CCDC38: variants seen among roughly 807,000 people sequenced by gnomAD.
CCDC38 encodes the protein coiled-coil domain containing 38.
CCDC38 carries 69 observed loss-of-function variants against 72.8 expected under a neutral mutation model. That is an observed-to-expected ratio of 0.95 (90% CI 0.78 to 1.16). The LOEUF (loss-of-function observed/expected upper bound fraction) is 1.16, where lower values mean the gene tolerates loss of function less well. Ranked by LOEUF, CCDC38 falls within the 50% of genes most tolerant of loss-of-function variation. The pLI, the probability that CCDC38 is intolerant of heterozygous loss-of-function variation, is 0.00. For synonymous variants in CCDC38, 201 were observed against 213.2 expected, an observed-to-expected ratio of 0.94 and a Z score of 0.50; for missense variants, 626 against 638.9, an observed-to-expected ratio of 0.98 and a Z score of 0.22.
At chr12:95,906,596 CCACT>C (rs1228965237) in intron 4 of CCDC38, 145 bp from the exon 5 acceptor site, 1 of 587,636 alleles carries the variant, frequency 1.7e-6, no homozygotes, top group Non-Finnish European at 2.9e-6. Context: ...CTTTTCCTAG[CCACT>C]CAAACTAATT....
At chr12:95,923,456 A>G (rs890033143) in intron 2 of CCDC38, among the ~76,000 whole-genome samples, 2 of 151,982 alleles carry the variant, frequency 1.3e-5, no homozygotes, top group African/African-American at 2.4e-5. Context: ...AGTGGGCTGG[A>G]CACCTCTTCC....
chr12:95,890,789 C>T, intron 9 of CCDC38, 43 bp downstream of exon 9: 1 of 1,215,496 alleles, frequency 8.2e-7, no homozygotes, highest in Non-Finnish European at 1.2e-6. Context: ...GAGATGGACA[C>T]ATTCGCAGGT....
chr12:95,896,453 T>C (rs552624117), intron 7 of CCDC38: 1 of 152,224 alleles, frequency 6.6e-6, no homozygotes, highest in Non-Finnish European at 1.5e-5. Flanking sequence ...TATTACTTTG[T>C]ATCAATGTTT....
chr12:95,869,458 A>C (rs768422616), intron 15 of CCDC38, 22 bp downstream of exon 15: 1 of 1,570,218 alleles, frequency 6.4e-7, no homozygotes, highest in South Asian at 1.1e-5. Flanking sequence ...ATATGGCTGG[A>C]TCTATTAATA....
At chr12:95,927,046 T>C (rs1388220106) in intron 2 of CCDC38, among the ~76,000 whole-genome samples, 6 of 152,140 alleles carry the variant, frequency 3.9e-5, no homozygotes, top group South Asian at 4.1e-4. Flanking sequence ...GTTCTGTAGA[T>C]GTCTATTAGG....
At chr12:95,926,326 A>C (rs2080270504) in intron 2 of CCDC38, among the ~76,000 whole-genome samples, 1 of 151,886 alleles carries the variant, frequency 6.6e-6, no homozygotes, top group Non-Finnish European at 1.5e-5. Flanking sequence ...AGTTTATTTG[A>C]GTAGAGGTGT....
At chr12:95,919,012 T>C (rs754106663) in intron 2 of CCDC38, 36 bp from the exon 3 acceptor site, 4 of 1,284,060 alleles carry the variant, frequency 3.1e-6, no homozygotes, top group African/African-American at 2.9e-5. Flanking sequence ...ATGAATTCTG[T>C]CATCCTTCCT....
intron 14 of CCDC38, among the ~76,000 whole-genome samples, chr12:95,870,629 G>A (rs1320678489): frequency 1.3e-5 from 2 of 152,176 alleles, no homozygotes; most frequent in Non-Finnish European, 2.9e-5. Flanking sequence ...ATATTTGCTA[G>A]TGTAAAAAAG....
At chr12:95,898,173 TAGAG>T (rs2079910897) in intron 7 of CCDC38, among the ~76,000 whole-genome samples, 1 of 152,222 alleles carries the variant, frequency 6.6e-6, no homozygotes, top group African/African-American at 2.4e-5. Context: ...ATCTACAAGT[TAGAG>T]AGACTTTCCA....
intron 4 of CCDC38, among the ~76,000 whole-genome samples, chr12:95,911,568 G>C (rs538554702): frequency 6.6e-6 from 1 of 152,016 alleles, no homozygotes; most frequent in Admixed American, 6.5e-5. Context: ...ACATTGAAAA[G>C]TAGGCAAAAG....
At chr12:95,919,492 G>A (rs1339500267) in intron 2 of CCDC38, 2 of 455,782 alleles carry the variant, frequency 4.4e-6, no homozygotes, top group Non-Finnish European at 8.8e-6. Flanking sequence ...GAAGTATGGA[G>A]TATGGAGTCC....
Position 95,895,396 on chromosome 12 carries a change from C to T in CCDC38, c.615-250G>A, listed in dbSNP as rs114704216. Among the ~76,000 whole-genome samples, 981 of 130,878 alleles carry T rather than the reference C, an allele frequency of 7.5e-3. 8 individuals carry two copies. Among genetic ancestry groups the T allele is most frequent in the African/African-American group, 0.029 (907 of 31,502 alleles). The allele number at this position is 130,878 out of a possible 152,430, so 85.9% of individuals were successfully genotyped here. A position where few individuals can be genotyped will look rare whatever the true frequency, so the allele number is the denominator to read the frequency against. ...ATAGAATAGACATGATAGTTTTACT[C>T]GACTTGTTTATTATTCTGTAGGAAA... On this transcript the variant is annotated intron_variant, in intron 7 of 15. Coordinates refer to ENST00000344280, the MANE Select transcript of CCDC38 (RefSeq NM_182496.3).
intron 10 of CCDC38, chr12:95,885,530 G>A (rs906564173): frequency 6.4e-5 from 11 of 172,520 alleles, no homozygotes; most frequent in African/African-American, 2.6e-4. Context: ...ATGTTCCAAA[G>A]AAATGATGTT....
chr12:95,881,534 G>A lies in CCDC38; in HGVS notation c.941C>T (p.Ser314Leu). The A allele has an allele frequency of 6.2e-7, 1 of 1,608,744 alleles. No homozygotes were observed. Among genetic ancestry groups the A allele is most frequent in the Non-Finnish European group, 8.5e-7 (1 of 1,177,500 alleles). Residue 314 changes from serine (S) to leucine (L), a missense_variant, in exon 11 of 16, where the codon TCA becomes TTA. By Grantham distance (145) the Ser-to-Leu change is moderately radical. Transcript: ENST00000344280. ...TAAAAGGAATTCCAAACTGTCTTCTGAACCGAAACTTTCAGCCAGGCTGTA... is the reference window on the plus strand; with the variant it reads ...TAAAAGGAATTCCAAACTGTCTTCTAAACCGAAACTTTCAGCCAGGCTGTA... ...KKSNLAESFG[S>L]EDSLEFLLDD...
At chr12:95,915,554 C>T (rs1036713500) in intron 4 of CCDC38, among the ~76,000 whole-genome samples, 2 of 152,178 alleles carry the variant, frequency 1.3e-5, no homozygotes, top group Admixed American at 6.5e-5. Flanking sequence ...ATTAAAGTCA[C>T]CTAACCTCCC....
chr12:95,875,906 T>C (rs2079630935), intron 13 of CCDC38, among the ~76,000 whole-genome samples: 1 of 152,208 alleles, frequency 6.6e-6, no homozygotes, highest in African/African-American at 2.4e-5. Flanking sequence ...TATTTTTTAA[T>C]AGTTGCCCCA....
intron 1 of CCDC38, among the ~76,000 whole-genome samples, chr12:95,938,473 C>T (rs187934157): frequency 7.0e-4 from 106 of 152,304 alleles, no homozygotes; most frequent in African/African-American, 2.5e-3. Flanking sequence ...TTGCAATGAG[C>T]ATCTTTATCC....
chr12:95,913,983 A>G (rs1247838596), intron 4 of CCDC38, among the ~76,000 whole-genome samples: 3 of 152,208 alleles, frequency 2.0e-5, no homozygotes, highest in Admixed American at 1.3e-4. Flanking sequence ...AATAAAATAC[A>G]TATGAAATCA....
intron 8 of CCDC38, among the ~76,000 whole-genome samples, chr12:95,893,405 C>T (rs1233086504): frequency 2.5e-5 from 2 of 80,306 alleles, no homozygotes; most frequent in Admixed American, 1.6e-4. Context: ...AACTTATCTT[C>T]CTTCCCTCCC....
Sources: gnomAD v4.1 joint callset for allele counts (sites outside exome capture counted in the v4.1 genomes callset) on GRCh38, gnomAD v4.1.1 for gene constraint, MANE v1.5 for transcripts, NCBI Gene and HGNC (gene_info 2026-07-23, HGNC 2026-07-21) for gene names.